The following SSBP3 variants were observed in gnomAD, a reference collection of about 807,000 sequenced individuals.
SSBP3 encodes single-stranded DNA-binding protein 3.
Under a neutral mutation model 69.6 loss-of-function variants are expected in SSBP3, and 5 were observed. The ratio of observed to expected loss-of-function variants is 0.07; its 90% CI spans 0.04 to 0.15. SSBP3 has a LOEUF of 0.15. Among genes scored for constraint, SSBP3 ranks in the 10% least tolerant of loss-of-function variants. The probability of loss-of-function intolerance (pLI) is 1.00; values close to 1 mark genes in which losing one functional copy is unlikely to be tolerated. For synonymous variants in SSBP3, 196 were observed against 193.4 expected (o/e 1.01, Z -0.11); for missense variants, 312 against 534.0 (o/e 0.58, Z 4.10).
At chr1:54,343,084 G>A (rs150363631) in intron 4 of SSBP3, among the ~76,000 whole-genome samples, 3,693 of 152,226 alleles carry the variant, frequency 0.024, 145 homozygotes, top group Admixed American at 0.1. Context: ...GCCTCCACCC[G>A]CCTGCGAGCT....
chr1:54,369,496 T>C (rs78397090), intron 4 of SSBP3, among the ~76,000 whole-genome samples: 1,538 of 152,194 alleles, frequency 0.01, 28 homozygotes, highest in African/African-American at 0.035. Context: ...TGAAGAGTTA[T>C]GTGATCAAAA....
exon 18 of SSBP3, chr1:54,227,050 A>G (rs1247953665): frequency 8.3e-7 from 1 of 1,198,588 alleles, no homozygotes; most frequent in East Asian, 2.3e-5. Context: ...CTCCTGGATA[A>G]TGACACCTCA....
chr1:54,257,736 G>C (rs1456706838), intron 6 of SSBP3, among the ~76,000 whole-genome samples: 1 of 152,136 alleles, frequency 6.6e-6, no homozygotes, highest in Admixed American at 6.5e-5. Flanking sequence ...ACAAAGAAAA[G>C]GCTCGGGATG....
intron 4 of SSBP3, among the ~76,000 whole-genome samples, chr1:54,329,768 C>T (rs1194515782): frequency 6.6e-6 from 1 of 152,208 alleles, no homozygotes; most frequent in Non-Finnish European, 1.5e-5. Context: ...ATGTTCAATA[C>T]AAAACAGCGG....
chr1:54,401,185 A>G (rs1649264121), intron 4 of SSBP3, among the ~76,000 whole-genome samples: 2 of 152,350 alleles, frequency 1.3e-5, no homozygotes, highest in South Asian at 4.1e-4. Context: ...TAGATGGCAG[A>G]CAACCCTCTC....
intron 4 of SSBP3, among the ~76,000 whole-genome samples, chr1:54,364,282 T>G (rs1045389594): frequency 2.6e-5 from 4 of 152,206 alleles, no homozygotes; most frequent in Admixed American, 6.5e-5. Flanking sequence ...TGGTCCTTTA[T>G]AGAAAAAGTT....
intron 5 of SSBP3, among the ~76,000 whole-genome samples, chr1:54,273,643 G>A (rs1645234097): frequency 6.6e-6 from 1 of 152,198 alleles, no homozygotes; most frequent in African/African-American, 2.4e-5. Context: ...ATTGTGGAGG[G>A]CAGGACCAGC....
At chr1:54,329,514 G>C (rs1009598547) in intron 4 of SSBP3, among the ~76,000 whole-genome samples, 5 of 152,236 alleles carry the variant, frequency 3.3e-5, no homozygotes, top group African/African-American at 1.2e-4. Flanking sequence ...TGCCAGGCTG[G>C]GGCTTGCAAC....
At chr1:54,299,942 AC>A (rs1207199137) in intron 4 of SSBP3, among the ~76,000 whole-genome samples, 4 of 151,958 alleles carry the variant, frequency 2.6e-5, no homozygotes, top group Non-Finnish European at 5.9e-5. Flanking sequence ...TTCCCTGAAC[AC>A]TGCATGTCTT....
rs553023222 is a variant in SSBP3, at chr1:54,254,471, A to T, written c.508-2611T>A. Among the ~76,000 whole-genome samples the T allele has an allele frequency of 3.3e-5, 5 of 152,350 alleles. No individual in the cohort carries two copies. In the South Asian group the frequency reaches 1.0e-3, roughly 32 times the overall value. On this transcript the variant is annotated intron_variant, in intron 7 of 17. Coordinates refer to ENST00000610401, the Ensembl canonical transcript of SSBP3. ...GAAAAAACAGCAACTCTCTATGCACAGCCTCTAGCCAGGGAGGCAGATGGG... is the reference window on the plus strand; with the variant it reads ...GAAAAAACAGCAACTCTCTATGCACTGCCTCTAGCCAGGGAGGCAGATGGG...
chr1:54,298,930 A>AACACACACACACACACACACACACAC (rs10525954), intron 4 of SSBP3, among the ~76,000 whole-genome samples: 1,695 of 137,188 alleles, frequency 0.012, 55 homozygotes, highest in East Asian at 0.055. Context: ...ACAAAAACAA[A>AACACACACACACACACACACACACAC]ACACACACAC....
At chr1:54,328,898 C>CG (rs1646357254) in intron 4 of SSBP3, among the ~76,000 whole-genome samples, 1 of 152,176 alleles carries the variant, frequency 6.6e-6, no homozygotes, top group Non-Finnish European at 1.5e-5. Context: ...GACGGTGGAA[C>CG]GGGGAGCCAG....
chr1:54,381,108 G>C (rs1647599312), intron 4 of SSBP3, among the ~76,000 whole-genome samples: 1 of 152,018 alleles, frequency 6.6e-6, no homozygotes, highest in South Asian at 2.1e-4. Context: ...AGAGAGGCTG[G>C]AAGTGGTGAC....
intron 4 of SSBP3, among the ~76,000 whole-genome samples, chr1:54,396,529 G>C (rs960995592): frequency 6.6e-6 from 1 of 152,072 alleles, no homozygotes; most frequent in Non-Finnish European, 1.5e-5. Context: ...CAGAGGCAGG[G>C]AAGTCATGGG....
At chr1:54,267,628 G>C (rs899565973) in intron 5 of SSBP3, among the ~76,000 whole-genome samples, 1 of 152,198 alleles carries the variant, frequency 6.6e-6, no homozygotes, top group Non-Finnish European at 1.5e-5. Context: ...GCAGGCCTGG[G>C]TGTGGTTCTA....
At chr1:54,276,961 T>C (rs1645299731) in intron 5 of SSBP3, among the ~76,000 whole-genome samples, 1 of 152,154 alleles carries the variant, frequency 6.6e-6, no homozygotes, top group Non-Finnish European at 1.5e-5. Context: ...CTCTCCTGTG[T>C]CCTGCCACAG....
chr1:54,394,896 G>T (rs1038687142), intron 4 of SSBP3, among the ~76,000 whole-genome samples: 1 of 151,630 alleles, frequency 6.6e-6, no homozygotes, highest in Non-Finnish European at 1.5e-5. Flanking sequence ...ATAGAGATGG[G>T]GTTTCACCAT....
intron 5 of SSBP3, among the ~76,000 whole-genome samples, chr1:54,279,747 A>T (rs1645357294): frequency 1.3e-5 from 2 of 152,232 alleles, no homozygotes; most frequent in Admixed American, 1.3e-4. Flanking sequence ...AGCAGCCAGG[A>T]AGATGCCTGC....
intron 4 of SSBP3, among the ~76,000 whole-genome samples, chr1:54,343,117 G>C (rs1317988572): frequency 6.6e-6 from 1 of 152,172 alleles, no homozygotes; most frequent in Non-Finnish European, 1.5e-5. Context: ...TCCTGTACCA[G>C]GGGGATACTT....
Sources: allele counts gnomAD v4.1 joint callset (sites outside exome capture counted in the v4.1 genomes callset), GRCh38; gene constraint gnomAD v4.1.1; transcripts MANE v1.5; gene names NCBI Gene and HGNC (gene_info 2026-07-23, HGNC 2026-07-21).